The following RTL4 variants were observed in gnomAD, a reference collection of about 807,000 sequenced individuals.
The protein encoded by RTL4 is retrotransposon Gag-like protein 4.
In RTL4, 4 loss-of-function variants were observed where a neutral mutation model predicts 5.3. The ratio of observed to expected loss-of-function variants is 0.75; its 90% CI spans 0.37 to 1.72. The LOEUF is 1.72. Among genes scored for constraint, RTL4 ranks in the 40% most tolerant of loss-of-function variants. The probability of loss-of-function intolerance (pLI) is 0.04; values close to 1 mark genes in which losing one functional copy is unlikely to be tolerated. For missense variants in RTL4, 260 were observed against 227.1 expected (o/e 1.14, Z -0.93); for synonymous variants, 98 against 87.3 (o/e 1.12, Z -0.68).
the RTL4 span, among the ~76,000 whole-genome samples, chrX:112,161,216 A>T: frequency 9.0e-6 from 1 of 111,697 alleles, no homozygotes; most frequent in African/African-American, 3.3e-5. Flanking sequence ...TTTTTGAAAA[A>T]TCATGTTCCT....
the RTL4 span, among the ~76,000 whole-genome samples, chrX:112,302,088 G>A: frequency 5.5e-5 from 6 of 109,535 alleles, no homozygotes; most frequent in South Asian, 8.0e-4. Flanking sequence ...GTGAAACCCC[G>A]TCTCTACTAA....
the RTL4 span, among the ~76,000 whole-genome samples, chrX:112,324,971 A>G: frequency 2.5e-3 from 277 of 111,769 alleles, no homozygotes; most frequent in African/African-American, 7.2e-3. Context: ...CAAAATCAAT[A>G]TGCAAAAATC....
the RTL4 span, among the ~76,000 whole-genome samples, chrX:112,162,227 T>G: frequency 9.0e-6 from 1 of 111,230 alleles, no homozygotes; most frequent in Non-Finnish European, 1.9e-5. Context: ...TAGGAAACAT[T>G]TGTTTCACTA....
the RTL4 span, among the ~76,000 whole-genome samples, chrX:112,398,635 G>A: frequency 1.8e-5 from 2 of 110,528 alleles, no homozygotes; most frequent in South Asian, 3.8e-4. Context: ...TCCTGACGTC[G>A]TGATCCGCCC....
chrX:112,120,358 G>A, the RTL4 span, among the ~76,000 whole-genome samples: 1 of 111,870 alleles, frequency 8.9e-6, no homozygotes, highest in Non-Finnish European at 1.9e-5. Context: ...CTCACTGCAA[G>A]CTCCGCCTCC....
At chrX:112,127,473 A>G in the RTL4 span, among the ~76,000 whole-genome samples, 2 of 111,767 alleles carry the variant, frequency 1.8e-5, no homozygotes, top group Admixed American at 1.9e-4. Context: ...AGTTCATCAC[A>G]TGTTTAATGG....
At chrX:112,424,634 T>C in the RTL4 span, among the ~76,000 whole-genome samples, 3 of 111,407 alleles carry the variant, frequency 2.7e-5, no homozygotes, top group African/African-American at 9.8e-5. Context: ...ACTAATGTCA[T>C]AATGTCTACC....
chrX:112,159,440 C>T, the RTL4 span, among the ~76,000 whole-genome samples: 12 of 111,870 alleles, frequency 1.1e-4, no homozygotes, highest in Non-Finnish European at 2.3e-4. Flanking sequence ...ATGTGACATC[C>T]ATCTTCCCAA....
the RTL4 span, among the ~76,000 whole-genome samples, chrX:112,306,815 G>A: frequency 9.0e-6 from 1 of 111,459 alleles, no homozygotes; most frequent in Admixed American, 9.6e-5. Context: ...GAAACTCTAC[G>A]CTCAAGGGGA....
chrX:112,271,049 G>T, the RTL4 span, among the ~76,000 whole-genome samples: 1 of 60,865 alleles, frequency 1.6e-5, no homozygotes, highest in Non-Finnish European at 3.2e-5. Flanking sequence ...CCTGGAGACA[G>T]AAAAAAAAAA....
the RTL4 span, among the ~76,000 whole-genome samples, chrX:112,437,802 A>ATGGTGG: frequency 2.4e-3 from 184 of 77,006 alleles, 2 homozygotes; most frequent in Middle Eastern, 0.013. Context: ...GGTGGTGGTG[A>ATGGTGG]TGGTGGTGGT....
the RTL4 span, among the ~76,000 whole-genome samples, chrX:112,258,609 A>G: frequency 7.2e-5 from 8 of 111,004 alleles, no homozygotes; most frequent in Non-Finnish European, 1.1e-4. Context: ...CGGACTTCTA[A>G]GAACTCTCTA....
chrX:112,178,784 G>T, the RTL4 span, among the ~76,000 whole-genome samples: 1 of 110,852 alleles, frequency 9.0e-6, no homozygotes, highest in Non-Finnish European at 1.9e-5. Context: ...TTCCAAAGCA[G>T]AAAGAAATGA....
the RTL4 span, among the ~76,000 whole-genome samples, chrX:112,088,091 TCCTCCCACCTCTG>T: frequency 1.8e-5 from 2 of 108,342 alleles, no homozygotes; most frequent in South Asian, 4.2e-4. Context: ...GCTCAAGCTA[TCCTCCCACCTCTG>T]CCTCCCTAAG....
chrX:112,125,752 C>T, the RTL4 span, among the ~76,000 whole-genome samples: 2 of 111,263 alleles, frequency 1.8e-5, no homozygotes, highest in East Asian at 5.7e-4. Flanking sequence ...TAAACCAACC[C>T]CCCATTTAAA....
the RTL4 span, among the ~76,000 whole-genome samples, chrX:112,230,610 G>A: frequency 8.9e-5 from 10 of 112,395 alleles, no homozygotes; most frequent in East Asian, 1.4e-3. Flanking sequence ...CATCGCTCAC[G>A]CTGGGAGCTG....
the RTL4 span, among the ~76,000 whole-genome samples, chrX:112,170,949 A>G: frequency 9.0e-6 from 1 of 111,668 alleles, no homozygotes. Flanking sequence ...GAGAGTTTTT[A>G]ACATGAAGCA....
the RTL4 span, among the ~76,000 whole-genome samples, chrX:112,346,691 T>C: frequency 1.8e-5 from 2 of 111,268 alleles, no homozygotes; most frequent in African/African-American, 3.3e-5. Context: ...TGTAAAGCAC[T>C]GAGGTATGCT....
the RTL4 span, among the ~76,000 whole-genome samples, chrX:112,344,181 T>C: frequency 8.9e-6 from 1 of 111,742 alleles, no homozygotes; most frequent in East Asian, 2.8e-4. Flanking sequence ...AAGCCATGTG[T>C]CATTGTAACC....
Sources: gnomAD v4.1 joint callset for allele counts (sites outside exome capture counted in the v4.1 genomes callset) on GRCh38, gnomAD v4.1.1 for gene constraint, MANE v1.5 for transcripts, NCBI Gene and HGNC (gene_info 2026-07-23, HGNC 2026-07-21) for gene names.